Variants in MFAP2 observed in about 807,000 individuals in gnomAD.
MFAP2 encodes the protein microfibril associated protein 2.
Under a neutral mutation model 30.6 loss-of-function variants are expected in MFAP2, and 23 were observed. That is an observed-to-expected ratio of 0.75 (90% CI 0.54 to 1.07). MFAP2 has a LOEUF of 1.07. MFAP2 is among the 50% of genes least tolerant of loss of function. The probability of loss-of-function intolerance (pLI) is 0.00; values close to 1 mark genes in which losing one functional copy is unlikely to be tolerated. For synonymous variants in MFAP2, 73 were observed against 85.7 expected, an observed-to-expected ratio of 0.85 and a Z score of 0.82; for missense variants, 198 against 223.8, an observed-to-expected ratio of 0.88 and a Z score of 0.74.
At chr1:16,978,774 A>G (rs904891634) in intron 1 of MFAP2, among the ~76,000 whole-genome samples, 25 of 152,200 alleles carry the variant, frequency 1.6e-4, no homozygotes, top group Middle Eastern at 3.4e-3. Context: ...CACCGCCTGG[A>G]CTCAGCAGCT....
At chr1:16,980,060 C>T (rs1039161055) in intron 1 of MFAP2, among the ~76,000 whole-genome samples, 1 of 151,912 alleles carries the variant, frequency 6.6e-6, no homozygotes, top group Non-Finnish European at 1.5e-5. Context: ...GGGGCCCCGA[C>T]GCTCGCTCAG....
rs1393227554 is a variant in MFAP2 at position 16,978,733 on chromosome 1, C to G, written c.-41-419G>C. Among the ~76,000 whole-genome samples, 110 of 152,330 alleles carry G rather than the reference C, an allele frequency of 7.2e-4. 1 individual carries two copies. The highest frequency in any genetic ancestry group is 4.4e-5 in the Non-Finnish European group (3 of 68,026). Reference sequence around the variant, plus strand: ...CGTGAATCACTGAACCCAGGCCCATCCTTGGGACCCCAGCCCTGGCCAGCC... The same window carrying G: ...CGTGAATCACTGAACCCAGGCCCATGCTTGGGACCCCAGCCCTGGCCAGCC... On this transcript the variant is annotated intron_variant, in intron 1 of 8. Transcript: ENST00000375535.
At chr1:16,977,041 A>G in intron 3 of MFAP2, 68 bp downstream of exon 3, 1 of 1,612,226 alleles carries the variant, frequency 6.2e-7, no homozygotes, top group Admixed American at 1.7e-5. Flanking sequence ...CAGCGTGTCC[A>G]GTGCGGTCCC....
chr1:16,981,317 A>G (rs2076636802), upstream of MFAP2, among the ~76,000 whole-genome samples: 1 of 152,102 alleles, frequency 6.6e-6, no homozygotes. Flanking sequence ...GACCCAGCCT[A>G]TGTGTCCCAC....
In MFAP2 at chr1:16,976,122, C is replaced by G; in HGVS notation, c.286+379G>C. ...CACACACACCTTGTTCTTTCAAGCT[C>G]TCAGCTAGGGCAGCCGGAGGGCACC... On this transcript the variant is annotated intron_variant, in intron 6 of 8. Coordinates refer to ENST00000375535, the MANE Select transcript of MFAP2 (RefSeq NM_002403.4). The surrounding 1 kb of genome is among the most constrained non-coding windows in gnomAD (Gnocchi z 5.5). 1 of 481,494 alleles carries G rather than the reference C, an allele frequency of 2.1e-6. No homozygotes were observed. The highest frequency in any genetic ancestry group is 3.9e-5 in the East Asian group (1 of 25,764). The allele number at this position is 481,494 out of a possible 1,614,324, so 29.8% of individuals were successfully genotyped here. A position where few individuals can be genotyped will look rare whatever the true frequency, so the allele number is the denominator to read the frequency against.
intron 1 of MFAP2, among the ~76,000 whole-genome samples, chr1:16,980,126 T>C (rs2076625310): frequency 6.6e-6 from 1 of 150,518 alleles, no homozygotes; most frequent in Admixed American, 6.6e-5. Flanking sequence ...GGGGGAGGGG[T>C]CCCGGCGGGA....
rs944152798 is a variant in MFAP2, at chr1:16,980,593, G to C, written c.-48C>G. 1.3e-5 allele frequency: 2 copies of C among 151,698 alleles called. No homozygotes were observed. Among genetic ancestry groups the C allele is most frequent in the Non-Finnish European group, 1.5e-5 (1 of 68,092 alleles). The allele number at this position is 151,698 out of a possible 1,614,324, so 9.4% of individuals were successfully genotyped here. A position where few individuals can be genotyped will look rare whatever the true frequency, so the allele number is the denominator to read the frequency against. Reference sequence around the variant, plus strand: ...GCGCCAGGCCCGCGCCTACCTGTCCGGGTCACTCCGCCGCCCGCTCCGAGT... The same window carrying C: ...GCGCCAGGCCCGCGCCTACCTGTCCCGGTCACTCCGCCGCCCGCTCCGAGT... On this transcript the variant is annotated 5_prime_UTR_variant, in exon 1 of 9. Transcript: ENST00000375535.
At position 16,976,590 on chromosome 1, in the gene MFAP2, C is replaced by T. The variant is rs376120391; in HGVS notation, c.242-45G>A. On this transcript the variant is annotated intron_variant, in intron 5 of 8. Transcript: ENST00000375535. The surrounding 1 kb of genome is among the most constrained non-coding windows in gnomAD (Gnocchi z 5.5). ...AGGCAGACATCACTGGGAGGGGTCTCCTCAGGGCAAGGGGAGTCACCTCTC... is the reference window on the plus strand; with the variant it reads ...AGGCAGACATCACTGGGAGGGGTCTTCTCAGGGCAAGGGGAGTCACCTCTC... The T allele has an allele frequency of 1.2e-4, 191 of 1,613,756 alleles. No homozygotes were observed. The highest frequency in any genetic ancestry group is 1.5e-4 in the Non-Finnish European group (180 of 1,179,792).
chr1:16,975,444 C>G lies in MFAP2; in HGVS notation c.375-102G>C, dbSNP rs574109377. On this transcript the variant is annotated intron_variant, in intron 7 of 8. Coordinates refer to ENST00000375535, the MANE Select transcript of MFAP2 (RefSeq NM_002403.4). The surrounding 1 kb of genome is among the most constrained non-coding windows in gnomAD (Gnocchi z 5.0). ...ACGGGAGCCCGGACAGAACCTGGCACGGGAGCCCGGACAGAACCTGGCACT... is the reference window on the plus strand; with the variant it reads ...ACGGGAGCCCGGACAGAACCTGGCAGGGGAGCCCGGACAGAACCTGGCACT... 1 of 1,281,964 alleles carries G rather than the reference C, an allele frequency of 7.8e-7. No homozygotes were observed. The highest frequency in any genetic ancestry group is 2.4e-5 in the East Asian group (1 of 40,972). 79.4% of individuals were successfully genotyped at this position (1,281,964 alleles called of 1,614,324 possible). A position where few individuals can be genotyped will look rare whatever the true frequency, so the allele number is the denominator to read the frequency against.
chr1:16,979,382 A>G (rs1309964296), intron 1 of MFAP2, among the ~76,000 whole-genome samples: 1 of 152,152 alleles, frequency 6.6e-6, no homozygotes, highest in African/African-American at 2.4e-5. Flanking sequence ...GGAAACCCCA[A>G]CTTTGGTCTA....
At chr1:16,978,176 A>T (rs2076608618) in intron 2 of MFAP2, 61 bp downstream of exon 2, 1 of 1,520,798 alleles carries the variant, frequency 6.6e-7, no homozygotes, top group Admixed American at 2.0e-5. Context: ...AATTCCCCCT[A>T]CTAACCCTAC....
chr1:16,976,825 T>C lies in MFAP2; in HGVS notation c.155-31A>G, dbSNP rs780450710. 2.5e-6 allele frequency: 4 copies of C among 1,613,784 alleles called. No individual in the cohort carries two copies. In the East Asian group the frequency reaches 8.9e-5, roughly 36 times the overall value. ...GCCAGGGGAGGATAAGGGGGTCTGC[T>C]CCCTCTACCCCTCCCAGGGGGTCTC... On this transcript the variant is annotated intron_variant, in intron 4 of 8. Transcript: ENST00000375535. This position sits in a 1 kb window ranked among gnomAD's most constrained non-coding sequence, Gnocchi z 5.5.
chr1:16,975,153 TG>T lies in MFAP2; in HGVS notation c.448+115del. 7.8e-7 allele frequency: 1 copy of T among 1,284,100 alleles called. No homozygotes were observed. The highest frequency in any genetic ancestry group is 1.5e-5 in the African/African-American group (1 of 68,698). 79.5% of individuals were successfully genotyped at this position (1,284,100 alleles called of 1,614,324 possible). On this transcript the variant is annotated intron_variant, in intron 8 of 8. Coordinates refer to ENST00000375535, the MANE Select transcript of MFAP2 (RefSeq NM_002403.4). This position sits in a 1 kb window ranked among gnomAD's most constrained non-coding sequence, Gnocchi z 5.0. Reference sequence around the variant, plus strand: ...GCAAGGAGGGGAGCTCAGGGTGTCCTGGAAGTGGGCCTGGTGGATAATATGT... The same window carrying T: ...GCAAGGAGGGGAGCTCAGGGTGTCCTGAAGTGGGCCTGGTGGATAATATGT...
chr1:16,977,308 A>T, intron 2 of MFAP2, 110 bp from the exon 3 acceptor site: 1 of 951,244 alleles, frequency 1.1e-6, no homozygotes, highest in Non-Finnish European at 1.6e-6. Context: ...ATAAGAGCCT[A>T]GGACCCCACA....
In MFAP2 at chr1:16,975,069, T is replaced by G; in HGVS notation, c.449-46A>C. 8.6e-7 allele frequency: 1 copy of G among 1,168,388 alleles called. No individual in the cohort carries two copies. Among genetic ancestry groups the G allele is most frequent in the Non-Finnish European group, 1.3e-6 (1 of 798,658 alleles). 72.4% of individuals were successfully genotyped at this position (1,168,388 alleles called of 1,614,324 possible). On this transcript the variant is annotated intron_variant, in intron 8 of 8. Transcript: ENST00000375535. The surrounding 1 kb of genome is among the most constrained non-coding windows in gnomAD (Gnocchi z 5.0). Reference sequence around the variant, plus strand: ...GCAGGGTCAGGGTGGAGCTGGGTGATGGGAACCGCTGCCCCTCCCCCAACT... The same window carrying G: ...GCAGGGTCAGGGTGGAGCTGGGTGAGGGGAACCGCTGCCCCTCCCCCAACT...
Position 16,976,264 on chromosome 1 carries a change from C to T in MFAP2, c.286+237G>A. 1 of 605,800 alleles carries T rather than the reference C, an allele frequency of 1.7e-6. No homozygotes were observed. The highest frequency in any genetic ancestry group is 2.9e-6 in the Non-Finnish European group (1 of 341,180). 37.5% of individuals were successfully genotyped at this position (605,800 alleles called of 1,614,324 possible). A position where few individuals can be genotyped will look rare whatever the true frequency, so the allele number is the denominator to read the frequency against. On this transcript the variant is annotated intron_variant, in intron 6 of 8. Coordinates refer to ENST00000375535, the MANE Select transcript of MFAP2 (RefSeq NM_002403.4). The surrounding 1 kb of genome is among the most constrained non-coding windows in gnomAD (Gnocchi z 5.5). ...CTGCCCCTCCCAGTATCTGTGAGGT[C>T]AGGGGCCTTCCTAGGCTGCCAATTT... is the stretch of plus-strand genomic sequence containing the variant.
Position 16,977,174 on chromosome 1 carries a change from T to C in MFAP2, c.62A>G (p.Tyr21Cys). 2 of 1,613,388 alleles carry C rather than the reference T, an allele frequency of 1.2e-6. No individual in the cohort carries two copies. The highest frequency in any genetic ancestry group is 1.7e-6 in the Non-Finnish European group (2 of 1,179,910). The change falls in exon 3 of 9, where the codon TAT becomes TGT. Residue 21 changes from tyrosine (Y) to cysteine (C), a missense_variant. Tyr to Cys is a radical substitution (Grantham distance 194, BLOSUM62 -2). Transcript: ENST00000375535. ...LPAGLLAQGQ[Y>C]DLDPLPPFPD... is the part of the protein sequence containing the mutation. The stretch of plus-strand genomic sequence containing the variant: ...GAACGGCGGCAGCGGGTCCAGGTCA[T>C]ACTGGCCCTGAGCCAGCAAGCCTGC...
rs773203109 is a variant in MFAP2 at position 16,977,162 on chromosome 1, G to A, written c.74C>T (p.Pro25Leu). 30 of 1,613,412 alleles carry A rather than the reference G, an allele frequency of 1.9e-5. No individual in the cohort carries two copies. The highest frequency in any genetic ancestry group is 1.7e-4 in the African/African-American group (13 of 74,928). ...GACGTGGTCAGGGAACGGCGGCAGC[G>A]GGTCCAGGTCATACTGGCCCTGAGC... ...LLAQGQYDLD[P>L]LPPFPDHVQY... Residue 25 changes from proline to leucine, a missense_variant, in exon 3 of 9, where the codon CCG becomes CTG. Coordinates refer to ENST00000375535, the MANE Select transcript of MFAP2 (RefSeq NM_002403.4).
chr1:16,975,894 C>T lies in MFAP2; in HGVS notation c.287-164G>A, dbSNP rs1478150713. 2.0e-5 allele frequency among the ~76,000 whole-genome samples: 3 copies of T among 152,136 alleles called. No individual in the cohort carries two copies. Among genetic ancestry groups the T allele is most frequent in the Non-Finnish European group, 4.4e-5 (3 of 68,028 alleles). ...CATAGACCCACGCAGCATTGTCAGACTTCCCAGGGCTGTAATATTCACGTA... is the reference window on the plus strand; with the variant it reads ...CATAGACCCACGCAGCATTGTCAGATTTCCCAGGGCTGTAATATTCACGTA... On this transcript the variant is annotated intron_variant, in intron 6 of 8. Coordinates refer to ENST00000375535, the MANE Select transcript of MFAP2 (RefSeq NM_002403.4). This position sits in a 1 kb window ranked among gnomAD's most constrained non-coding sequence, Gnocchi z 5.0.
Sources: allele counts gnomAD v4.1 joint callset (sites outside exome capture counted in the v4.1 genomes callset), GRCh38; gene constraint gnomAD v4.1.1; non-coding constraint Gnocchi (gnomAD v3.1); transcripts MANE v1.5; gene names NCBI Gene and HGNC (gene_info 2026-07-23, HGNC 2026-07-21).